Variants in ZRANB3 observed in about 807,000 individuals in gnomAD.
ZRANB3 encodes the protein zinc finger RANBP2-type containing 3.
A neutral mutation model predicts 133.8 loss-of-function variants in ZRANB3; 125 were observed. That is an observed-to-expected ratio of 0.93 (90% CI 0.81 to 1.08). The LOEUF (loss-of-function observed/expected upper bound fraction) is 1.08, where lower values mean the gene tolerates loss of function less well. ZRANB3 is among the 50% of genes least tolerant of loss of function. The pLI is 0.00. For synonymous variants in ZRANB3, 387 were observed against 432.7 expected, an observed-to-expected ratio of 0.89 and a Z score of 1.31; for missense variants, 1,229 against 1,275.5, an observed-to-expected ratio of 0.96 and a Z score of 0.56.
chr2:135,274,120 G>T (rs1680669519), intron 9 of ZRANB3, among the ~76,000 whole-genome samples: 1 of 152,086 alleles, frequency 6.6e-6, no homozygotes, highest in Non-Finnish European at 1.5e-5. Flanking sequence ...TTCCTATGAA[G>T]GAAACACTAG....
At chr2:135,241,869 G>A (rs750771220) in intron 12 of ZRANB3, among the ~76,000 whole-genome samples, 1 of 152,124 alleles carries the variant, frequency 6.6e-6, no homozygotes, top group African/African-American at 2.4e-5. Flanking sequence ...CCAGGAAGCA[G>A]GTTTGGAGTT....
chr2:135,208,885 T>C lies in ZRANB3; in HGVS notation c.2589A>G (p.Pro863=). 2 of 1,613,960 alleles carry C rather than the reference T, an allele frequency of 1.2e-6. No homozygotes were observed. Among genetic ancestry groups the C allele is most frequent in the South Asian group, 1.1e-5 (1 of 91,076 alleles). Residue 863 remains proline, a synonymous_variant, in exon 18 of 21, where the codon CCA becomes CCG. Transcript: ENST00000264159. ...AACCTTACTTTGTGAAAGGATCCCG[T>C]GGCCTGGACTCCTTTGTGATCAGAC... ...HVRLITKESR[P]RDPFTKKLLE...
intron 8 of ZRANB3, among the ~76,000 whole-genome samples, chr2:135,284,261 T>C (rs1434414395): frequency 6.6e-6 from 1 of 152,224 alleles, no homozygotes; most frequent in Non-Finnish European, 1.5e-5. Flanking sequence ...GTCCATGAAA[T>C]ATGCTTGGAT....
intron 1 of ZRANB3, among the ~76,000 whole-genome samples, chr2:135,507,155 G>C (rs571547790): frequency 6.6e-6 from 1 of 152,334 alleles, no homozygotes; most frequent in African/African-American, 2.4e-5. Context: ...GAGAATAACA[G>C]AAATGTAGAA....
chr2:135,403,018 C>A (rs1687811165), intron 2 of ZRANB3, among the ~76,000 whole-genome samples: 1 of 152,154 alleles, frequency 6.6e-6, no homozygotes, highest in African/African-American at 2.4e-5. Context: ...CTACAGCTCC[C>A]AGTGTGGGCG....
chr2:135,288,212 T>G lies in ZRANB3; in HGVS notation c.967-12457A>C, dbSNP rs906183455. Among the ~76,000 whole-genome samples, 10 of 152,322 alleles carry G rather than the reference T, an allele frequency of 6.6e-5. No individual in the cohort carries two copies. The East Asian group carries it at 1.9e-3, about 29-fold the overall frequency. ...TGATCATGTAATTTTTGTTTTTAATTCTATTTAGGTGGTGTATCACATTTA... is the reference window on the plus strand; with the variant it reads ...TGATCATGTAATTTTTGTTTTTAATGCTATTTAGGTGGTGTATCACATTTA... On this transcript the variant is annotated intron_variant, in intron 8 of 20. Transcript: ENST00000264159.
At chr2:135,420,768 A>G (rs1688810692) in intron 2 of ZRANB3, among the ~76,000 whole-genome samples, 2 of 152,114 alleles carry the variant, frequency 1.3e-5, no homozygotes, top group Admixed American at 1.3e-4. Flanking sequence ...TGTTTTCTTT[A>G]TATCAATATA....
chr2:135,471,903 A>AT (rs1449804957), intron 2 of ZRANB3, among the ~76,000 whole-genome samples: 7 of 152,224 alleles, frequency 4.6e-5, no homozygotes, highest in African/African-American at 1.4e-4. Flanking sequence ...ATATTCTGAC[A>AT]TTTTCCATTG....
chr2:135,435,859 A>T (rs1166255893), intron 2 of ZRANB3, among the ~76,000 whole-genome samples: 1 of 152,000 alleles, frequency 6.6e-6, no homozygotes, highest in Non-Finnish European at 1.5e-5. Context: ...GAATTTTTTT[A>T]AATTTCCTTA....
chr2:135,250,693 T>C (rs1303839991), intron 12 of ZRANB3, among the ~76,000 whole-genome samples: 2 of 152,176 alleles, frequency 1.3e-5, no homozygotes, highest in African/African-American at 4.8e-5. Context: ...GCAGCTTCCA[T>C]GTGGTGTTGA....
At chr2:135,235,967 G>C (rs1695264868) in intron 12 of ZRANB3, among the ~76,000 whole-genome samples, 1 of 152,118 alleles carries the variant, frequency 6.6e-6, no homozygotes, top group Non-Finnish European at 1.5e-5. Flanking sequence ...GAAAAAAAGG[G>C]CATTCAATTA....
intron 2 of ZRANB3, among the ~76,000 whole-genome samples, chr2:135,414,257 A>T (rs1316220707): frequency 1.3e-5 from 2 of 152,150 alleles, no homozygotes; most frequent in East Asian, 3.8e-4. Flanking sequence ...GGATGGAGGA[A>T]GATCTACCAA....
chr2:135,410,303 A>G (rs79194921), intron 2 of ZRANB3, among the ~76,000 whole-genome samples: 12 of 152,172 alleles, frequency 7.9e-5, no homozygotes, highest in African/African-American at 2.9e-4. Flanking sequence ...GACCAATGGA[A>G]CAGGATAGAG....
At chr2:135,432,955 A>C (rs1181507905) in intron 2 of ZRANB3, among the ~76,000 whole-genome samples, 2 of 152,210 alleles carry the variant, frequency 1.3e-5, no homozygotes, top group Non-Finnish European at 2.9e-5. Flanking sequence ...CTGGAAAACA[A>C]GGACGAGCTA....
At chr2:135,321,518 A>G (rs1189635544) in intron 6 of ZRANB3, among the ~76,000 whole-genome samples, 3 of 151,004 alleles carry the variant, frequency 2.0e-5, no homozygotes, top group African/African-American at 7.3e-5. Flanking sequence ...CTGTCGCCCA[A>G]ACTGGAGAGC....
chr2:135,302,857 G>T (rs575295339), intron 8 of ZRANB3, among the ~76,000 whole-genome samples: 126 of 152,152 alleles, frequency 8.3e-4, no homozygotes, highest in Non-Finnish European at 1.6e-3. Context: ...GACAAGAAAC[G>T]ATCTAAAAGG....
intron 10 of ZRANB3, among the ~76,000 whole-genome samples, chr2:135,271,005 C>T (rs966131217): frequency 6.6e-6 from 1 of 152,152 alleles, no homozygotes; most frequent in Admixed American, 6.6e-5. Flanking sequence ...AGCAGGGCTA[C>T]GTGGAATAAA....
At chr2:135,308,030 C>G (rs981799302) in intron 8 of ZRANB3, among the ~76,000 whole-genome samples, 1 of 152,088 alleles carries the variant, frequency 6.6e-6, no homozygotes, top group Non-Finnish European at 1.5e-5. Flanking sequence ...GTGTTAAGTT[C>G]ATAGTGGGGG....
chr2:135,330,808 T>G (rs1399340568), intron 6 of ZRANB3, among the ~76,000 whole-genome samples: 1 of 152,184 alleles, frequency 6.6e-6, no homozygotes, highest in African/African-American at 2.4e-5. Context: ...ATTTTTCCAT[T>G]TCTTCTAGAT....
Sources: gnomAD v4.1 joint callset for allele counts (sites outside exome capture counted in the v4.1 genomes callset) on GRCh38, gnomAD v4.1.1 for gene constraint, MANE v1.5 for transcripts, NCBI Gene and HGNC (gene_info 2026-07-23, HGNC 2026-07-21) for gene names.